The following THBS4 variants were observed in gnomAD, a reference collection of about 807,000 sequenced individuals.
The protein encoded by THBS4 is thrombospondin-4.
Under a neutral mutation model 115.7 loss-of-function variants are expected in THBS4, and 90 were observed. The observed-to-expected ratio is 0.78, with a 90% CI of 0.66 to 0.93. THBS4 has a LOEUF of 0.93. THBS4 is among the 40% of genes least tolerant of loss of function. THBS4 has a pLI of 0.00. For synonymous variants in THBS4, 460 were observed against 479.3 expected (o/e 0.96, Z 0.53); for missense variants, 1,087 against 1,232.7 (o/e 0.88, Z 1.77).
chr5:80,053,201 T>C (rs1253938627), intron 2 of THBS4: 1 of 152,124 alleles, frequency 6.6e-6, no homozygotes, highest in Non-Finnish European at 1.5e-5. Context: ...TATTGACCTA[T>C]AACCTCCTTT....
At chr5:80,039,987 T>A (rs1179079761) in intron 1 of THBS4, 90 bp from the exon 2 acceptor site, 1 of 1,132,950 alleles carries the variant, frequency 8.8e-7, no homozygotes, top group Non-Finnish European at 1.3e-6. Flanking sequence ...TGTAGCTTAC[T>A]GTCAAATTGC....
At chr5:80,075,489 C>T (rs999756788) in intron 15 of THBS4, 5 of 152,182 alleles carry the variant, frequency 3.3e-5, no homozygotes. Flanking sequence ...CATCAGATGT[C>T]CCTCTCCTCT....
intron 1 of THBS4, among the ~76,000 whole-genome samples, chr5:80,039,273 T>G (rs1481467372): frequency 2.0e-5 from 3 of 152,244 alleles, no homozygotes; most frequent in Non-Finnish European, 4.4e-5. Context: ...CACTGAGTAT[T>G]ACCCAAATTT....
chr5:80,079,244 G>A lies in THBS4; in HGVS notation c.2497G>A (p.Gly833Ser). Reference sequence around the variant, plus strand: ...CCCATTCCGAGCAGTTGCAGAACCTGGCATTCAGCTCAAGGTATTGGTGGT... The same window carrying A: ...CCCATTCCGAGCAGTTGCAGAACCTAGCATTCAGCTCAAGGTATTGGTGGT... ...ATPFRAVAEP[G>S]IQLKAVKSKT... is the part of the protein sequence containing the mutation. The change falls in exon 19 of 22, where the codon GGC (glycine) becomes AGC (serine). Residue 833 changes from glycine (G) to serine (S), a missense_variant. Physicochemically the swap from Gly to Ser is moderately conservative, Grantham distance 56 (BLOSUM62 0). Transcript: ENST00000350881. 6.2e-7 allele frequency: 1 copy of A among 1,610,662 alleles called. No homozygotes were observed.
chr5:80,022,835 A>G (rs905915392), intron 2 of THBS4, among the ~76,000 whole-genome samples: 3 of 152,206 alleles, frequency 2.0e-5, no homozygotes, highest in African/African-American at 7.2e-5. Flanking sequence ...ACATTTTTAT[A>G]TAAGAAGCAG....
chr5:80,046,778 A>G (rs898572389), intron 2 of THBS4, among the ~76,000 whole-genome samples: 3 of 152,222 alleles, frequency 2.0e-5, no homozygotes, highest in African/African-American at 7.2e-5. Context: ...ACTGTATAGC[A>G]AATTATCTAG....
intron 2 of THBS4, among the ~76,000 whole-genome samples, chr5:80,029,373 C>CT (rs1832541972): frequency 6.6e-6 from 1 of 152,124 alleles, no homozygotes; most frequent in Admixed American, 6.5e-5. Flanking sequence ...CAAGCAATTA[C>CT]TTTAAGAGAT....
intron 2 of THBS4, among the ~76,000 whole-genome samples, chr5:80,051,342 T>C (rs17885391): frequency 0.55 from 82,892 of 151,412 alleles, 23,070 homozygotes; most frequent in African/African-American, 0.65. Context: ...ATAAAATAAG[T>C]GTAGAGGCAC....
chr5:80,054,159 CTTT>C (rs757155578), intron 2 of THBS4, among the ~76,000 whole-genome samples: 9 of 88,558 alleles, frequency 1.0e-4, no homozygotes, highest in Admixed American at 2.2e-4. Context: ...CTTTTCTTTT[CTTT>C]TTTTTTTTTT....
intron 20 of THBS4, 150 bp from the exon 21 acceptor site, chr5:80,082,256 C>G: frequency 9.9e-7 from 1 of 1,012,730 alleles, no homozygotes. Flanking sequence ...GCAACAGCTA[C>G]AGTACAATCC....
upstream of THBS4, among the ~76,000 whole-genome samples, chr5:80,030,645 G>A (rs548161890): frequency 2.0e-5 from 3 of 152,246 alleles, no homozygotes; most frequent in East Asian, 5.8e-4. Context: ...GAGATTATAG[G>A]TGTGAGCTAC....
intron 2 of THBS4, among the ~76,000 whole-genome samples, chr5:80,014,128 G>A (rs981978343): frequency 6.6e-6 from 1 of 151,548 alleles, no homozygotes; most frequent in African/African-American, 2.4e-5. Context: ...TTGGGATACA[G>A]CACAGTGTTG....
At chr5:80,057,641 T>C (rs370665568) in intron 3 of THBS4, among the ~76,000 whole-genome samples, 2 of 152,222 alleles carry the variant, frequency 1.3e-5, no homozygotes, top group Non-Finnish European at 2.9e-5. Context: ...ATAAAGGTGA[T>C]TGCAAGCAGC....
At chr5:80,060,246 G>T (rs1017489503) in intron 7 of THBS4, among the ~76,000 whole-genome samples, 1 of 152,198 alleles carries the variant, frequency 6.6e-6, no homozygotes, top group African/African-American at 2.4e-5. Flanking sequence ...TGCAAATGTG[G>T]AAGGGGAGGA....
chr5:79,993,747 G>C (rs1350279934), intron 1 of THBS4, among the ~76,000 whole-genome samples: 3 of 152,218 alleles, frequency 2.0e-5, no homozygotes, highest in Non-Finnish European at 4.4e-5. Flanking sequence ...TGCAAGGTTT[G>C]TTAGGCTCTT....
intron 20 of THBS4, among the ~76,000 whole-genome samples, chr5:80,080,827 C>T (rs1743466638): frequency 6.6e-6 from 1 of 151,974 alleles, no homozygotes; most frequent in African/African-American, 2.4e-5. Flanking sequence ...CCTCGTGATC[C>T]ACCCGCCTCG....
chr5:80,008,436 A>T (rs1022614508), intron 2 of THBS4, among the ~76,000 whole-genome samples: 1 of 151,920 alleles, frequency 6.6e-6, no homozygotes, highest in Non-Finnish European at 1.5e-5. Flanking sequence ...TTGTTTTGAG[A>T]TGGAGTCTCA....
chr5:79,999,214 T>A (rs193187876), intron 2 of THBS4, among the ~76,000 whole-genome samples: 21 of 152,354 alleles, frequency 1.4e-4, no homozygotes, highest in Admixed American at 1.2e-3. Flanking sequence ...GCCATATTAC[T>A]AAAATTAAGG....
intron 20 of THBS4, among the ~76,000 whole-genome samples, chr5:80,080,577 A>ATCTTTTT (rs1743443858): frequency 1.5e-5 from 1 of 66,826 alleles, no homozygotes. Flanking sequence ...CAGCGCTTGT[A>ATCTTTTT]TCTTTTTTTT....
Sources: gnomAD v4.1 joint callset for allele counts (sites outside exome capture counted in the v4.1 genomes callset) on GRCh38, gnomAD v4.1.1 for gene constraint, MANE v1.5 for transcripts, NCBI Gene and HGNC (gene_info 2026-07-23, HGNC 2026-07-21) for gene names.